Variants in HCRTR2 observed in about 807,000 individuals in gnomAD.
HCRTR2 encodes the protein orexin receptor type 2.
In HCRTR2, 22 loss-of-function variants were observed where a neutral mutation model predicts 49.0. That is an observed-to-expected ratio of 0.45 (90% confidence interval 0.32 to 0.64). The LOEUF (loss-of-function observed/expected upper bound fraction) is 0.64. Among genes scored for constraint, HCRTR2 ranks in the 30% least tolerant of loss-of-function variants. The probability of loss-of-function intolerance (pLI) is 0.04; values close to 1 mark genes in which losing one functional copy is unlikely to be tolerated. For missense variants in HCRTR2, 491 were observed against 559.4 expected, an observed-to-expected ratio of 0.88 and a Z score of 1.23; for synonymous variants, 236 against 205.3, an observed-to-expected ratio of 1.15 and a Z score of -1.28.
intron 1 of HCRTR2, among the ~76,000 whole-genome samples, chr6:55,247,268 C>T (rs1016116159): frequency 5.3e-5 from 8 of 152,034 alleles, no homozygotes; most frequent in African/African-American, 1.9e-4. Flanking sequence ...GATATTACCA[C>T]GTGAGAGTTA....
chr6:55,247,148 A>G (rs1409929583), intron 1 of HCRTR2, among the ~76,000 whole-genome samples: 1 of 151,648 alleles, frequency 6.6e-6, no homozygotes, highest in Non-Finnish European at 1.5e-5. Flanking sequence ...GTGTGTGTGA[A>G]TATGTGTGTG....
chr6:55,270,860 C>A (rs1050413923), intron 4 of HCRTR2, among the ~76,000 whole-genome samples: 1 of 152,042 alleles, frequency 6.6e-6, no homozygotes, highest in Non-Finnish European at 1.5e-5. Context: ...ACAACATATA[C>A]ACCTACAATT....
rs181797138 is a variant in HCRTR2, at chr6:55,156,657, T to A, written c.-377-17554T>A. ...TGTTGATGCAAAAATTTTCAAAAAATTAATAGCAAATCGAATCCAGCAGTA... is the reference window on the plus strand; with the variant it reads ...TGTTGATGCAAAAATTTTCAAAAAAATAATAGCAAATCGAATCCAGCAGTA... On this transcript the variant is annotated intron_variant, in intron 1 of 7. Coordinates refer to the HCRTR2 transcript ENST00000615358. 4.4e-3 allele frequency among the ~76,000 whole-genome samples: 663 copies of A among 151,370 alleles called. 14 individuals are homozygous for A. Among genetic ancestry groups the A allele is most frequent in the Admixed American group, 0.04 (607 of 15,160 alleles).
At chr6:55,175,120 AGTGT>A (rs369907787) in intron 1 of HCRTR2, among the ~76,000 whole-genome samples, 1 of 149,230 alleles carries the variant, frequency 6.7e-6, no homozygotes, top group African/African-American at 2.5e-5. Flanking sequence ...GATTTTGTTG[AGTGT>A]GTGTGTGTGT....
intron 2 of HCRTR2, among the ~76,000 whole-genome samples, chr6:55,249,273 A>C (rs1766504744): frequency 6.6e-6 from 1 of 152,146 alleles, no homozygotes; most frequent in African/African-American, 2.4e-5. Flanking sequence ...AGTCCAAGTC[A>C]TTGAGCATAT....
intron 1 of HCRTR2, among the ~76,000 whole-genome samples, chr6:55,161,253 A>G (rs1197456491): frequency 1.3e-5 from 2 of 152,222 alleles, no homozygotes; most frequent in East Asian, 1.9e-4. Flanking sequence ...TAATGAAATT[A>G]AGGCAGAAAT....
intron 1 of HCRTR2, among the ~76,000 whole-genome samples, chr6:55,235,751 CAT>C (rs1201724815): frequency 3.3e-5 from 5 of 152,140 alleles, no homozygotes; most frequent in African/African-American, 1.2e-4. Context: ...TAATGCAGTA[CAT>C]GGCACTTTTG....
chr6:55,139,829 C>T (rs1328756731), intron 1 of HCRTR2, among the ~76,000 whole-genome samples: 1 of 152,090 alleles, frequency 6.6e-6, no homozygotes, highest in Non-Finnish European at 1.5e-5. Context: ...TAACTAGTAC[C>T]CCTAGTAAAG....
intron 1 of HCRTR2, among the ~76,000 whole-genome samples, chr6:55,237,737 G>A (rs1766241076): frequency 6.6e-6 from 1 of 152,162 alleles, no homozygotes; most frequent in Admixed American, 6.5e-5. Context: ...GGTTGTTTTA[G>A]GTGGGAAGTT....
chr6:55,226,197 A>G (rs1002497356), intron 1 of HCRTR2, among the ~76,000 whole-genome samples: 1 of 152,050 alleles, frequency 6.6e-6, no homozygotes, highest in Non-Finnish European at 1.5e-5. Flanking sequence ...TTCCCCTCCC[A>G]CTTTCTCTTT....
chr6:55,174,818 TC>T lies in HCRTR2; in HGVS notation c.223+10del. 1 of 1,611,074 alleles carries T rather than the reference TC, an allele frequency of 6.2e-7. No homozygotes were observed. Among genetic ancestry groups the T allele is most frequent in the Non-Finnish European group, 8.5e-7 (1 of 1,177,472 alleles). ...TCATTGGGAACGTCCTGGGTGAGTC[TC>T]CTCCCGGGCAGCCCTCCTAGGGGCT... is the stretch of plus-strand genomic sequence containing the variant. On this transcript the variant is annotated intron_variant, in intron 1 of 6. Transcript: ENST00000370862.
chr6:55,113,686 C>T (rs1003496063), intron 1 of HCRTR2, among the ~76,000 whole-genome samples: 1 of 151,618 alleles, frequency 6.6e-6, no homozygotes, highest in Non-Finnish European at 1.5e-5. Flanking sequence ...AACATTTTTA[C>T]ACTGCTGGTA....
At chr6:55,131,197 T>C (rs4715520) in intron 1 of HCRTR2, among the ~76,000 whole-genome samples, 94,061 of 151,432 alleles carry the variant, frequency 0.62, 30,401 homozygotes, top group African/African-American at 0.73. Context: ...TAGGGATCAG[T>C]TGAGTGGTTT....
At chr6:55,175,087 G>T (rs1354726672) in intron 1 of HCRTR2, among the ~76,000 whole-genome samples, 1 of 152,110 alleles carries the variant, frequency 6.6e-6, no homozygotes, top group Non-Finnish European at 1.5e-5. Flanking sequence ...AGGGAGAGGG[G>T]CCGCGGCAGG....
intron 1 of HCRTR2, among the ~76,000 whole-genome samples, chr6:55,134,524 T>C (rs1764407806): frequency 6.6e-6 from 1 of 151,844 alleles, no homozygotes; most frequent in South Asian, 2.1e-4. Flanking sequence ...AAGTATATAG[T>C]ACAATATTAT....
chr6:55,230,682 G>T (rs1414158134), intron 1 of HCRTR2, among the ~76,000 whole-genome samples: 1 of 151,986 alleles, frequency 6.6e-6, no homozygotes, highest in Non-Finnish European at 1.5e-5. Context: ...GTACGAAATG[G>T]ATAATCACAT....
At chr6:55,212,658 T>A (rs903507451) in intron 1 of HCRTR2, among the ~76,000 whole-genome samples, 2 of 152,128 alleles carry the variant, frequency 1.3e-5, no homozygotes, top group Non-Finnish European at 2.9e-5. Context: ...AACCTAAGGA[T>A]AATTAAACAT....
chr6:55,144,099 C>CTTTTTTTTTTT (rs530138605), intron 1 of HCRTR2, among the ~76,000 whole-genome samples: 1 of 85,388 alleles, frequency 1.2e-5, no homozygotes, highest in Non-Finnish European at 2.1e-5. Flanking sequence ...CCCGTCCTGC[C>CTTTTTTTTTTT]TTTTTTTTTT....
chr6:55,137,537 G>A (rs1764449285), intron 1 of HCRTR2, among the ~76,000 whole-genome samples: 1 of 152,164 alleles, frequency 6.6e-6, no homozygotes. Flanking sequence ...CTTCAGACAG[G>A]TAGGGCTGTG....
Sources: allele counts gnomAD v4.1 joint callset (sites outside exome capture counted in the v4.1 genomes callset), GRCh38; gene constraint gnomAD v4.1.1; transcripts MANE v1.5; gene names NCBI Gene and HGNC (gene_info 2026-07-23, HGNC 2026-07-21).